The following RLIG1 variants were observed in gnomAD, a reference collection of about 807,000 sequenced individuals.
RLIG1 encodes the protein RNA 5'-phosphate and 3'-OH ligase 1, also known as RNA ligase 1.
At chr12:88,039,031 A>C in the RLIG1 span, among the ~76,000 whole-genome samples, 1 of 152,178 alleles carries the variant, frequency 6.6e-6, no homozygotes, top group Non-Finnish European at 1.5e-5. Flanking sequence ...TATTGAGAAA[A>C]ATGCACTGAA....
the RLIG1 span, chr12:88,045,548 C>A: frequency 2.0e-6 from 3 of 1,501,608 alleles, no homozygotes; most frequent in South Asian, 2.4e-5. Context: ...GAAAAACGAT[C>A]TAATAACAAA....
chr12:88,041,859 T>A, the RLIG1 span: 1 of 152,200 alleles, frequency 6.6e-6, no homozygotes, highest in Non-Finnish European at 1.5e-5. Flanking sequence ...TAGACTTTGA[T>A]GTCTATTAAG....
chr12:88,036,521 AAAGATTG>A, the RLIG1 span, among the ~76,000 whole-genome samples: 499 of 152,344 alleles, frequency 3.3e-3, 5 homozygotes, highest in African/African-American at 0.012. Context: ...TGTTTAAGGC[AAAGATTG>A]CCCTGTTATC....
the RLIG1 span, chr12:88,047,083 A>G: frequency 8.6e-7 from 1 of 1,158,962 alleles, no homozygotes; most frequent in Non-Finnish European, 1.2e-6. Flanking sequence ...TCTTATTTGC[A>G]GTAAAGAAAT....
the RLIG1 span, chr12:88,049,177 G>A: frequency 3.3e-6 from 5 of 1,526,776 alleles, no homozygotes; most frequent in South Asian, 6.1e-5. Context: ...AAGTTTATAG[G>A]TGACCTTTAG....
At chr12:88,045,901 T>G in the RLIG1 span, 1 of 710,154 alleles carries the variant, frequency 1.4e-6, no homozygotes, top group Admixed American at 3.0e-5. Flanking sequence ...GTTAGTTTCC[T>G]AGGATTATAT....
the RLIG1 span, chr12:88,040,221 C>T: frequency 6.2e-7 from 1 of 1,608,638 alleles, no homozygotes; most frequent in South Asian, 1.1e-5. Context: ...GCAATTCCAA[C>T]AGAAAAAGTG....
chr12:88,035,971 T>C, the RLIG1 span: 9 of 1,521,448 alleles, frequency 5.9e-6, no homozygotes, highest in Non-Finnish European at 7.9e-6. Flanking sequence ...ATTTTCCTTA[T>C]CAGGAGATTC....
chr12:88,043,885 G>T, the RLIG1 span: 1 of 609,800 alleles, frequency 1.6e-6, no homozygotes, highest in South Asian at 2.0e-5. Flanking sequence ...TATCAAAGAT[G>T]TTTCATATCA....
At chr12:88,035,768 GCCCGCGTGGGCTCCTC>G in the RLIG1 span, 1 of 1,563,950 alleles carries the variant, frequency 6.4e-7, no homozygotes, top group Non-Finnish European at 8.7e-7. Flanking sequence ...AGGCTTGGCG[GCCCGCGTGGGCTCCTC>G]CCCGCGGCGC....
the RLIG1 span, chr12:88,041,687 CA>C: frequency 2.0e-5 from 3 of 152,108 alleles, no homozygotes; most frequent in African/African-American, 7.2e-5. Flanking sequence ...AAAAAAGAAA[CA>C]AAAGGTCCAT....
the RLIG1 span, chr12:88,046,818 A>G: frequency 1.9e-6 from 3 of 1,609,112 alleles, no homozygotes; most frequent in South Asian, 3.3e-5. Context: ...GTTAGGGAGC[A>G]AGAAACATCC....
At chr12:88,049,783 C>A in the RLIG1 span, 1 of 158,914 alleles carries the variant, frequency 6.3e-6, no homozygotes, top group Non-Finnish European at 1.4e-5. Context: ...TTGGTTTAGA[C>A]TTCATTTATA....
chr12:88,048,116 ACAGT>A, the RLIG1 span: 1 of 618,588 alleles, frequency 1.6e-6, no homozygotes, highest in Non-Finnish European at 2.4e-6. Flanking sequence ...AAAAAAAAAA[ACAGT>A]AAGATAAAGT....
the RLIG1 span, chr12:88,035,781 C>G: frequency 6.4e-7 from 1 of 1,557,388 alleles, no homozygotes; most frequent in Non-Finnish European, 8.7e-7. Flanking sequence ...CGCGTGGGCT[C>G]CTCCCCGCGG....
At chr12:88,042,872 G>A in the RLIG1 span, 1 of 1,566,630 alleles carries the variant, frequency 6.4e-7, no homozygotes, top group African/African-American at 1.4e-5. Context: ...CAACAAACAA[G>A]CTGAAAAAAG....
chr12:88,038,226 G>T, the RLIG1 span, among the ~76,000 whole-genome samples: 2 of 152,106 alleles, frequency 1.3e-5, no homozygotes, highest in Admixed American at 1.3e-4. Flanking sequence ...TGCTATCAGT[G>T]GGGCTGTATT....
the RLIG1 span, among the ~76,000 whole-genome samples, chr12:88,040,847 G>GA: frequency 3.9e-5 from 6 of 151,920 alleles, 1 homozygote; most frequent in South Asian, 1.2e-3. Flanking sequence ...CTCACTTCCA[G>GA]AAAAAAATAG....
chr12:88,044,472 G>A, the RLIG1 span: 1 of 152,166 alleles, frequency 6.6e-6, no homozygotes, highest in Admixed American at 6.5e-5. Flanking sequence ...TGCCCATTAT[G>A]TGCAAAGTCC....
Sources: gnomAD v4.1 joint callset for allele counts (sites outside exome capture counted in the v4.1 genomes callset) on GRCh38, gnomAD v4.1.1 for gene constraint, MANE v1.5 for transcripts, NCBI Gene and HGNC (gene_info 2026-07-23, HGNC 2026-07-21) for gene names.